Variants in RBPMS observed in about 807,000 individuals in gnomAD.
The protein encoded by RBPMS is RNA-binding protein with multiple splicing.
Under a neutral mutation model 26.8 loss-of-function variants are expected in RBPMS, and 7 were observed. The ratio of observed to expected loss-of-function variants is 0.26; its 90% CI spans 0.15 to 0.49. RBPMS has a LOEUF of 0.49. Ranked by LOEUF, RBPMS falls within the 20% of genes least tolerant of loss-of-function variation. The pLI is 0.98. For synonymous variants in RBPMS, 96 were observed against 93.3 expected (o/e 1.03, Z -0.17); for missense variants, 186 against 250.0 (o/e 0.74, Z 1.73).
At chr8:30,531,473 C>T (rs1310833273) in intron 5 of RBPMS, among the ~76,000 whole-genome samples, 1 of 152,176 alleles carries the variant, frequency 6.6e-6, no homozygotes, top group Admixed American at 6.5e-5. Context: ...ACCAGTGATC[C>T]TCATGAGATA....
At chr8:30,473,645 G>T (rs1472561332) in intron 1 of RBPMS, among the ~76,000 whole-genome samples, 1 of 152,120 alleles carries the variant, frequency 6.6e-6, no homozygotes, top group Non-Finnish European at 1.5e-5. Flanking sequence ...ACATGCACGT[G>T]TATGTTCATT....
chr8:30,414,760 T>C (rs1809865204), intron 1 of RBPMS, among the ~76,000 whole-genome samples: 1 of 152,184 alleles, frequency 6.6e-6, no homozygotes, highest in Non-Finnish European at 1.5e-5. Flanking sequence ...AAATAAAGTA[T>C]GAGGAAGGAA....
intron 6 of RBPMS, among the ~76,000 whole-genome samples, chr8:30,545,944 C>T (rs964083383): frequency 6.6e-6 from 1 of 152,094 alleles, no homozygotes; most frequent in Non-Finnish European, 1.5e-5. Context: ...AATAAAGGAG[C>T]CAGGATTACC....
intron 5 of RBPMS, among the ~76,000 whole-genome samples, chr8:30,510,173 G>A (rs1447695063): frequency 2.6e-5 from 4 of 152,116 alleles, no homozygotes; most frequent in African/African-American, 7.2e-5. Context: ...GCACAGATAC[G>A]CTTGCTAGAA....
intron 3 of RBPMS, among the ~76,000 whole-genome samples, chr8:30,478,231 G>A (rs1156631633): frequency 1.3e-5 from 2 of 152,124 alleles, no homozygotes; most frequent in East Asian, 3.8e-4. Context: ...CTAAATTAAG[G>A]CAGAGTCCCG....
intron 5 of RBPMS, among the ~76,000 whole-genome samples, chr8:30,541,830 T>C (rs958302985): frequency 6.6e-5 from 10 of 152,206 alleles, no homozygotes; most frequent in Admixed American, 6.5e-4. Flanking sequence ...AACCAGTCTC[T>C]CTAGCTTTTG....
chr8:30,436,698 G>A (rs1170689359), intron 1 of RBPMS, among the ~76,000 whole-genome samples: 2 of 152,134 alleles, frequency 1.3e-5, no homozygotes, highest in African/African-American at 4.8e-5. Flanking sequence ...CAAGTCTAGG[G>A]TATGCAGTGT....
intron 1 of RBPMS, among the ~76,000 whole-genome samples, chr8:30,465,181 T>C (rs1221595615): frequency 6.6e-6 from 1 of 152,222 alleles, no homozygotes; most frequent in Non-Finnish European, 1.5e-5. Flanking sequence ...CCATGTTTCT[T>C]ATTTGACAGC....
chr8:30,385,264 C>A, intron 1 of RBPMS, 106 bp downstream of exon 1: 2 of 732,794 alleles, frequency 2.7e-6, no homozygotes, highest in Non-Finnish European at 4.0e-6. Context: ...TCAGGCATGG[C>A]CCGTGCCCCG....
At chr8:30,546,392 C>T (rs1825869654) in intron 6 of RBPMS, among the ~76,000 whole-genome samples, 1 of 152,184 alleles carries the variant, frequency 6.6e-6, no homozygotes, top group South Asian at 2.1e-4. Flanking sequence ...ATGACATCTG[C>T]TCATTCTTCA....
chr8:30,556,509 C>G (rs1826931326), intron 6 of RBPMS: 1 of 986,080 alleles, frequency 1.0e-6, no homozygotes, highest in South Asian at 4.7e-5. Flanking sequence ...GGCAGCCCTC[C>G]CCCTCCTGTG....
At chr8:30,487,838 A>G (rs1818955442) in intron 4 of RBPMS, among the ~76,000 whole-genome samples, 1 of 152,184 alleles carries the variant, frequency 6.6e-6, no homozygotes, top group South Asian at 2.1e-4. Context: ...TTTTAAGACT[A>G]AAACTTCTTT....
intron 6 of RBPMS, among the ~76,000 whole-genome samples, chr8:30,546,046 G>A (rs937084934): frequency 6.6e-6 from 1 of 152,108 alleles, no homozygotes; most frequent in East Asian, 1.9e-4. Flanking sequence ...TAACGGGGTC[G>A]GGATAAAATG....
At chr8:30,538,090 A>C (rs537982892) in intron 5 of RBPMS, among the ~76,000 whole-genome samples, 1 of 152,332 alleles carries the variant, frequency 6.6e-6, no homozygotes, top group Admixed American at 6.5e-5. Context: ...GGAAATGACC[A>C]AGGTCCATGA....
chr8:30,428,395 G>A (rs1382434056), intron 1 of RBPMS, among the ~76,000 whole-genome samples: 1 of 151,986 alleles, frequency 6.6e-6, no homozygotes, highest in Non-Finnish European at 1.5e-5. Flanking sequence ...GTTGGAGGCT[G>A]TGGTAAGTTG....
chr8:30,430,463 G>C (rs1024355365), intron 1 of RBPMS, among the ~76,000 whole-genome samples: 2 of 152,164 alleles, frequency 1.3e-5, no homozygotes, highest in Middle Eastern at 3.2e-3. Flanking sequence ...ACATTTTTCA[G>C]AGTTTGTAAA....
chr8:30,459,197 A>G (rs564113293), intron 1 of RBPMS, among the ~76,000 whole-genome samples: 1 of 152,078 alleles, frequency 6.6e-6, no homozygotes, highest in South Asian at 2.1e-4. Flanking sequence ...CCTGACCTCA[A>G]GTGATCCTCC....
intron 4 of RBPMS, among the ~76,000 whole-genome samples, chr8:30,480,512 T>A (rs1289289263): frequency 1.3e-5 from 2 of 152,248 alleles, no homozygotes; most frequent in Non-Finnish European, 2.9e-5. Context: ...TAATTCTTGT[T>A]GGTTTTTCAT....
intron 1 of RBPMS, among the ~76,000 whole-genome samples, chr8:30,439,513 C>A (rs1035101253): frequency 6.6e-6 from 1 of 152,164 alleles, no homozygotes; most frequent in Non-Finnish European, 1.5e-5. Context: ...AGAAGGAATG[C>A]GGTGAGCAAA....
Sources: allele counts gnomAD v4.1 joint callset (sites outside exome capture counted in the v4.1 genomes callset), GRCh38; gene constraint gnomAD v4.1.1; transcripts MANE v1.5; gene names NCBI Gene and HGNC (gene_info 2026-07-23, HGNC 2026-07-21).